Variants in MAL observed in about 807,000 individuals in gnomAD.
MAL encodes mal, T cell differentiation protein (MAL blood group), also known as myelin and lymphocyte protein.
Under a neutral mutation model 16.7 loss-of-function variants are expected in MAL, and 5 were observed. The observed-to-expected ratio is 0.30, with a 90% CI of 0.16 to 0.63. The LOEUF is 0.63. Ranked by LOEUF, MAL falls within the 30% of genes least tolerant of loss-of-function variation. The pLI is 0.82. For missense variants in MAL, 202 were observed against 195.8 expected (o/e 1.03, Z -0.19); for synonymous variants, 96 against 85.5 (o/e 1.12, Z -0.67).
rs905077708 is a variant in MAL at position 95,025,764 on chromosome 2, C to A, written c.-29C>A. The A allele has an allele frequency of 4.1e-6, 6 of 1,480,166 alleles. No individual in the cohort carries two copies. Among genetic ancestry groups the A allele is most frequent in the East Asian group, 2.7e-5 (1 of 36,808 alleles). 91.7% of individuals were successfully genotyped at this position (1,480,166 alleles called of 1,614,324 possible). A position where few individuals can be genotyped will look rare whatever the true frequency, so the allele number is the denominator to read the frequency against. The stretch of plus-strand genomic sequence containing the variant: ...CGCGGAGTCTGAGCGGCGCTCGTCC[C>A]GTCCCAAGGCCGACGCCAGCACGCC... On this transcript the variant is annotated 5_prime_UTR_variant, in exon 1 of 4. Coordinates refer to ENST00000309988, the MANE Select transcript of MAL (RefSeq NM_002371.4). This position sits in a 1 kb window ranked among gnomAD's most constrained non-coding sequence, Gnocchi z 5.6.
At chr2:95,030,422 C>T (rs1471916275) in intron 1 of MAL, among the ~76,000 whole-genome samples, 1 of 152,206 alleles carries the variant, frequency 6.6e-6, no homozygotes, top group East Asian at 1.9e-4. Context: ...GGAACTTTTC[C>T]TTTTGGAGCC....
At position 95,053,265 on chromosome 2, in the gene MAL, A is replaced by G. The variant is rs528589237; in HGVS notation, c.388-116A>G. The G allele has an allele frequency of 3.1e-3, 2,285 of 746,944 alleles. 14 individuals are homozygous for G. The highest frequency in any genetic ancestry group is 0.015 in the Admixed American group (755 of 51,032). 46.3% of individuals were successfully genotyped at this position (746,944 alleles called of 1,614,324 possible). The stretch of plus-strand genomic sequence containing the variant: ...CCATGTGAGGGTGAGAAGCAATGAC[A>G]GCCCAAGCTCTCTGGGTCTGGCCCC... On this transcript the variant is annotated intron_variant, in intron 3 of 3. Transcript: ENST00000309988.
intron 1 of MAL, 125 bp from the exon 2 acceptor site, chr2:95,047,834 C>G: frequency 1.1e-6 from 1 of 894,872 alleles, no homozygotes; most frequent in Non-Finnish European, 1.7e-6. Flanking sequence ...AATGCCTGCC[C>G]TGTTCTCTTT....
chr2:95,034,025 T>G (rs1212875882), intron 1 of MAL, among the ~76,000 whole-genome samples: 3 of 152,270 alleles, frequency 2.0e-5, no homozygotes, highest in African/African-American at 7.2e-5. Context: ...ACTAATAATT[T>G]AAGCATCTGC....
intron 1 of MAL, chr2:95,026,234 C>T: frequency 4.7e-6 from 1 of 214,100 alleles, no homozygotes; most frequent in Non-Finnish European, 9.2e-6. Flanking sequence ...ACCGAAGCTC[C>T]CGCCGCGCTT....
At chr2:95,039,692 GT>G (rs1400610504) in intron 1 of MAL, among the ~76,000 whole-genome samples, 5 of 145,116 alleles carry the variant, frequency 3.4e-5, no homozygotes. Context: ...GACTGAGTGA[GT>G]GACTGAGTGA....
chr2:95,044,140 T>A (rs768938604), intron 1 of MAL, among the ~76,000 whole-genome samples: 1 of 152,212 alleles, frequency 6.6e-6, no homozygotes, highest in Non-Finnish European at 1.5e-5. Flanking sequence ...GAAGACATTA[T>A]ACTAAATGAA....
At chr2:95,030,379 C>T (rs1054736515) in intron 1 of MAL, among the ~76,000 whole-genome samples, 4 of 152,206 alleles carry the variant, frequency 2.6e-5, no homozygotes, top group Admixed American at 1.3e-4. Flanking sequence ...CTTTGCTTCT[C>T]GTCTGCTCCC....
chr2:95,046,890 AAAAG>A (rs1229153563), intron 1 of MAL, among the ~76,000 whole-genome samples: 35 of 151,586 alleles, frequency 2.3e-4, no homozygotes, highest in African/African-American at 6.1e-4. Context: ...AGAGAGAGAG[AAAAG>A]AAAGAGAGAG....
chr2:95,026,602 T>TTGCAC (rs1204887251), intron 1 of MAL: 1 of 151,544 alleles, frequency 6.6e-6, no homozygotes, highest in Non-Finnish European at 1.5e-5. Context: ...CGGTCCCGCC[T>TTGCAC]TGCACGCACG....
At chr2:95,031,398 A>T (rs990806826) in intron 1 of MAL, among the ~76,000 whole-genome samples, 6 of 151,998 alleles carry the variant, frequency 3.9e-5, no homozygotes, top group African/African-American at 1.2e-4. Context: ...TCAAAAACAC[A>T]CCCTGCAGGT....
At chr2:95,045,129 C>T (rs1382386353) in intron 1 of MAL, among the ~76,000 whole-genome samples, 1 of 152,236 alleles carries the variant, frequency 6.6e-6, no homozygotes, top group African/African-American at 2.4e-5. Context: ...TATTAGAGAA[C>T]TCCAGACACC....
Position 95,025,764 on chromosome 2 carries a change from C to G in MAL, c.-29C>G, listed in dbSNP as rs905077708. 4 of 1,480,050 alleles carry G rather than the reference C, an allele frequency of 2.7e-6. No homozygotes were observed. Among genetic ancestry groups the G allele is most frequent in the Non-Finnish European group, 3.6e-6 (4 of 1,103,194 alleles). 91.7% of individuals were successfully genotyped at this position (1,480,050 alleles called of 1,614,324 possible). On this transcript the variant is annotated 5_prime_UTR_variant, in exon 1 of 4. Coordinates refer to ENST00000309988, the MANE Select transcript of MAL (RefSeq NM_002371.4). The surrounding 1 kb of genome is among the most constrained non-coding windows in gnomAD (Gnocchi z 5.6). Reference sequence around the variant, plus strand: ...CGCGGAGTCTGAGCGGCGCTCGTCCCGTCCCAAGGCCGACGCCAGCACGCC... The same window carrying G: ...CGCGGAGTCTGAGCGGCGCTCGTCCGGTCCCAAGGCCGACGCCAGCACGCC...
At chr2:95,026,985 C>T (rs550782369) in intron 1 of MAL, among the ~76,000 whole-genome samples, 3 of 152,236 alleles carry the variant, frequency 2.0e-5, no homozygotes, top group Admixed American at 6.5e-5. Context: ...AGGGCTGCGG[C>T]GGCCTGGGAG....
chr2:95,033,161 G>GC (rs1433739619), intron 1 of MAL, among the ~76,000 whole-genome samples: 1 of 152,172 alleles, frequency 6.6e-6, no homozygotes, highest in East Asian at 1.9e-4. Flanking sequence ...CCCACGGGGG[G>GC]CCCGGGAGGT....
chr2:95,029,708 G>A (rs1266633602), intron 1 of MAL, among the ~76,000 whole-genome samples: 1 of 152,146 alleles, frequency 6.6e-6, no homozygotes, highest in Non-Finnish European at 1.5e-5. Context: ...CACCCCAGGA[G>A]CAGATTTACT....
intron 1 of MAL, among the ~76,000 whole-genome samples, chr2:95,027,599 T>A (rs1476481585): frequency 1.3e-5 from 2 of 152,202 alleles, no homozygotes; most frequent in African/African-American, 4.8e-5. Context: ...AGCCTCTCAG[T>A]TCTCCTCTGC....
chr2:95,045,314 C>T (rs868632805), intron 1 of MAL, among the ~76,000 whole-genome samples: 6 of 152,190 alleles, frequency 3.9e-5, no homozygotes, highest in Admixed American at 1.3e-4. Flanking sequence ...GAGTCTCTTC[C>T]CAACCATGTG....
Position 95,048,320 on chromosome 2 carries a change from G to A in MAL, c.261+194G>A, listed in dbSNP as rs1030952321. On this transcript the variant is annotated intron_variant, in intron 2 of 3. Transcript: ENST00000309988. ...AGGCAGGGGCAGAGGCAAGGTCGCCGCTGCCAACCCTCACTGGACCTGTTC... is the reference window on the plus strand; with the variant it reads ...AGGCAGGGGCAGAGGCAAGGTCGCCACTGCCAACCCTCACTGGACCTGTTC... 2.0e-4 allele frequency among the ~76,000 whole-genome samples: 30 copies of A among 152,232 alleles called. 1 individual carries two copies. The highest frequency in any genetic ancestry group is 9.7e-4 in the East Asian group (5 of 5,174).
Sources: gnomAD v4.1 joint callset for allele counts (sites outside exome capture counted in the v4.1 genomes callset) on GRCh38, gnomAD v4.1.1 for gene constraint, Gnocchi (gnomAD v3.1) non-coding constraint, MANE v1.5 for transcripts, NCBI Gene and HGNC (gene_info 2026-07-23, HGNC 2026-07-21) for gene names.